The following AKAP6 variants were observed in gnomAD, a reference collection of about 807,000 sequenced individuals.
The protein encoded by AKAP6 is A-kinase anchor protein 6.
In AKAP6, 58 loss-of-function variants were observed where a neutral mutation model predicts 188.5. The ratio of observed to expected loss-of-function variants is 0.31; its 90% CI spans 0.25 to 0.38. AKAP6 has a LOEUF of 0.38. Ranked by LOEUF, AKAP6 falls within the 10% of genes least tolerant of loss-of-function variation. The probability of loss-of-function intolerance (pLI) is 1.00; values close to 1 mark genes in which losing one functional copy is unlikely to be tolerated. For missense variants in AKAP6, 2,710 were observed against 2,740.0 expected (o/e 0.99, Z 0.24); for synonymous variants, 989 against 998.6 (o/e 0.99, Z 0.18).
At chr14:32,508,211 A>C (rs554065536) in intron 2 of AKAP6, among the ~76,000 whole-genome samples, 2 of 152,386 alleles carry the variant, frequency 1.3e-5, no homozygotes, top group South Asian at 2.1e-4. Flanking sequence ...AAATCACATA[A>C]TGAAAGAGGG....
rs71115071 is a variant in AKAP6 at position 32,453,575 on chromosome 14, C to CTTTTTTTTTTTT, written c.324+19786_324+19797dup. ...GTGGAGATAATAGAATTTTTCTTTT[C>CTTTTTTTTTTTT]TTTTTTTTTTTTTTTTTTTTTTTTT... On this transcript the variant is annotated intron_variant, in intron 2 of 13. Coordinates refer to ENST00000280979, the MANE Select transcript of AKAP6 (RefSeq NM_004274.5). 1.6e-3 allele frequency among the ~76,000 whole-genome samples: 148 copies of CTTTTTTTTTTTT among 95,340 alleles called. 28 individuals are homozygous for CTTTTTTTTTTTT. Among genetic ancestry groups the CTTTTTTTTTTTT allele is most frequent in the Admixed American group, 2.3e-3 (16 of 6,908 alleles). The allele number at this position is 95,340 out of a possible 152,430, so 62.5% of individuals were successfully genotyped here.
Position 32,822,128 on chromosome 14 carries a change from A to G in AKAP6, c.4315A>G (p.Lys1439Glu). The change falls in exon 13 of 14, where the codon AAA (lysine) becomes GAA (glutamate). Residue 1439 changes from lysine (K) to glutamate (E), a missense_variant. Around this residue, in one of 2 missense-constraint regions of AKAP6, gnomAD observed 2,473 missense variants for 2,426.1 expected, o/e 1.02. Transcript: ENST00000280979. Reference protein sequence around the residue: ...SISPVGCVNGKVGDLNSITKH... With the variant: ...SISPVGCVNGEVGDLNSITKH... ...TTCACCAGTGGGTTGTGTAAATGGA[A>G]AAGTTGGAGATTTAAACAGTATTAC... The G allele has an allele frequency of 6.2e-7, 1 of 1,613,922 alleles. No homozygotes were observed. Among genetic ancestry groups the G allele is most frequent in the Non-Finnish European group, 8.5e-7 (1 of 1,179,932 alleles).
At chr14:32,487,865 C>A (rs1285799051) in intron 2 of AKAP6, among the ~76,000 whole-genome samples, 2 of 152,192 alleles carry the variant, frequency 1.3e-5, no homozygotes, top group African/African-American at 2.4e-5. Flanking sequence ...CTATCACCAG[C>A]GGAGGCTGAG....
intron 12 of AKAP6, among the ~76,000 whole-genome samples, chr14:32,789,072 T>C (rs1329674593): frequency 6.6e-6 from 1 of 151,808 alleles, no homozygotes; most frequent in Non-Finnish European, 1.5e-5. Flanking sequence ...CAAGGAAGGG[T>C]CCTCCACAAT....
At chr14:32,490,083 G>A (rs1321492090) in intron 2 of AKAP6, among the ~76,000 whole-genome samples, 5 of 151,986 alleles carry the variant, frequency 3.3e-5, no homozygotes, top group African/African-American at 9.7e-5. Flanking sequence ...CTTAAGGGTG[G>A]GGGAGATTAC....
chr14:32,387,845 G>T (rs1469111260), intron 1 of AKAP6, among the ~76,000 whole-genome samples: 1 of 151,290 alleles, frequency 6.6e-6, no homozygotes, highest in Non-Finnish European at 1.5e-5. Context: ...TTGGTATTAG[G>T]GTGATACTGG....
At chr14:32,534,561 A>G (rs1882578435) in intron 2 of AKAP6, among the ~76,000 whole-genome samples, 1 of 152,236 alleles carries the variant, frequency 6.6e-6, no homozygotes, top group Admixed American at 6.5e-5. Context: ...AAATGTCTGC[A>G]TGAAACGAAA....
chr14:32,489,814 GC>G (rs1381647474), intron 2 of AKAP6, among the ~76,000 whole-genome samples: 33 of 152,314 alleles, frequency 2.2e-4, no homozygotes, highest in African/African-American at 7.5e-4. Context: ...ATATAGTCAT[GC>G]CACATATATT....
intron 1 of AKAP6, among the ~76,000 whole-genome samples, chr14:32,384,471 C>T (rs1888465335): frequency 6.6e-6 from 1 of 152,170 alleles, no homozygotes; most frequent in Admixed American, 6.6e-5. Context: ...CAAAGGATAG[C>T]TGATAATGGC....
intron 2 of AKAP6, chr14:32,473,790 G>A (rs1258962932): frequency 6.6e-6 from 1 of 152,258 alleles, no homozygotes; most frequent in African/African-American, 2.4e-5. Context: ...ACATTGGGCA[G>A]GACACCACTG....
At chr14:32,691,694 G>C (rs1256624580) in intron 8 of AKAP6, among the ~76,000 whole-genome samples, 1 of 152,096 alleles carries the variant, frequency 6.6e-6, no homozygotes, top group Non-Finnish European at 1.5e-5. Flanking sequence ...AAGTAGCTGG[G>C]TCTACAAGCA....
At chr14:32,563,427 TAGTAAACACTCA>T (rs1221216364) in intron 4 of AKAP6, among the ~76,000 whole-genome samples, 3 of 152,230 alleles carry the variant, frequency 2.0e-5, no homozygotes, top group African/African-American at 7.2e-5. Flanking sequence ...ACCTGGCATG[TAGTAAACACTCA>T]ATAAATGTTA....
At chr14:32,637,712 A>G (rs1887563188) in intron 7 of AKAP6, among the ~76,000 whole-genome samples, 1 of 152,050 alleles carries the variant, frequency 6.6e-6, no homozygotes, top group Admixed American at 6.6e-5. Context: ...GTGCATTAAC[A>G]ATGAGATGAG....
chr14:32,660,921 G>GC (rs1249970425), intron 7 of AKAP6, among the ~76,000 whole-genome samples: 812 of 42,230 alleles, frequency 0.019, 3 homozygotes, highest in East Asian at 0.025. Flanking sequence ...TTTCTTCCCC[G>GC]CCACCCCCCC....
At chr14:32,618,766 C>A (rs1179522112) in intron 7 of AKAP6, among the ~76,000 whole-genome samples, 1 of 152,174 alleles carries the variant, frequency 6.6e-6, no homozygotes, top group African/African-American at 2.4e-5. Flanking sequence ...TCTGAGAAAT[C>A]TCCATGCTGT....
At chr14:32,653,325 T>C (rs1888309728) in intron 7 of AKAP6, among the ~76,000 whole-genome samples, 2 of 152,114 alleles carry the variant, frequency 1.3e-5, no homozygotes, top group Non-Finnish European at 2.9e-5. Flanking sequence ...TGAATTGTAA[T>C]CCCCAATGCT....
intron 11 of AKAP6, among the ~76,000 whole-genome samples, chr14:32,770,704 T>G (rs1331870208): frequency 6.6e-6 from 1 of 152,216 alleles, no homozygotes; most frequent in African/African-American, 2.4e-5. Flanking sequence ...CCCTGAATAT[T>G]TCATTGACTC....
chr14:32,743,670 C>T (rs1343860826), intron 11 of AKAP6, among the ~76,000 whole-genome samples: 1 of 152,118 alleles, frequency 6.6e-6, no homozygotes, highest in African/African-American at 2.4e-5. Flanking sequence ...AAACTCTACA[C>T]CTTAACTTCT....
chr14:32,706,104 G>T (rs1890801859), intron 9 of AKAP6, among the ~76,000 whole-genome samples: 1 of 152,114 alleles, frequency 6.6e-6, no homozygotes, highest in African/African-American at 2.4e-5. Flanking sequence ...AGTAAGTTGG[G>T]ATTTGAACCC....
Sources: allele counts gnomAD v4.1 joint callset (sites outside exome capture counted in the v4.1 genomes callset), GRCh38; gene constraint gnomAD v4.1.1; regional missense constraint gnomAD v4.1.1; transcripts MANE v1.5; gene names NCBI Gene and HGNC (gene_info 2026-07-23, HGNC 2026-07-21).